Variants in ARHGAP15 observed in about 807,000 individuals in gnomAD.
The protein encoded by ARHGAP15 is Rho GTPase activating protein 15.
Under a neutral mutation model 63.7 loss-of-function variants are expected in ARHGAP15, and 51 were observed. That is an observed-to-expected ratio of 0.80 (90% confidence interval 0.64 to 1.01). The LOEUF is 1.01. ARHGAP15 is among the 50% of genes least tolerant of loss of function. The probability of loss-of-function intolerance (pLI) is 0.00; values close to 1 mark genes in which losing one functional copy is unlikely to be tolerated. For missense variants in ARHGAP15, 560 were observed against 564.6 expected (o/e 0.99, Z 0.08); for synonymous variants, 191 against 193.8 (o/e 0.99, Z 0.12).
At chr2:143,184,583 C>T (rs893346250) in intron 2 of ARHGAP15, among the ~76,000 whole-genome samples, 1 of 151,624 alleles carries the variant, frequency 6.6e-6, no homozygotes, top group Non-Finnish European at 1.5e-5. Context: ...ATTAATGATA[C>T]TGATTTAAGA....
chr2:143,218,277 C>CTTTTTTTTTTTTTT (rs762494225), intron 4 of ARHGAP15, among the ~76,000 whole-genome samples: 69 of 92,038 alleles, frequency 7.5e-4, no homozygotes, highest in East Asian at 1.0e-3. Context: ...TTTAGTTTTC[C>CTTTTTTTTTTTTTT]TTTTTTTTTT....
At chr2:143,408,027 A>ATC (rs1553475748) in intron 6 of ARHGAP15, among the ~76,000 whole-genome samples, 1 of 112,420 alleles carries the variant, frequency 8.9e-6, no homozygotes, top group Non-Finnish European at 1.8e-5. Flanking sequence ...ATATATATAT[A>ATC]TATATCCTTT....
intron 6 of ARHGAP15, among the ~76,000 whole-genome samples, chr2:143,338,991 A>G (rs147341709): frequency 3.2e-4 from 48 of 152,326 alleles, no homozygotes; most frequent in Middle Eastern, 3.4e-3. Flanking sequence ...AAAGAATGCC[A>G]TAACAAGCAA....
chr2:143,355,462 A>G (rs1367720674), intron 6 of ARHGAP15, among the ~76,000 whole-genome samples: 1 of 152,168 alleles, frequency 6.6e-6, no homozygotes, highest in Non-Finnish European at 1.5e-5. Flanking sequence ...AAGTATAGAC[A>G]GTATACAGGT....
At chr2:143,583,090 C>T (rs1184367610) in intron 11 of ARHGAP15, among the ~76,000 whole-genome samples, 1 of 152,084 alleles carries the variant, frequency 6.6e-6, no homozygotes, top group Non-Finnish European at 1.5e-5. Context: ...AGCTGGCCAC[C>T]CTCCTGATCT....
At chr2:143,210,429 A>G (rs535963486) in intron 3 of ARHGAP15, among the ~76,000 whole-genome samples, 3 of 152,264 alleles carry the variant, frequency 2.0e-5, no homozygotes, top group African/African-American at 7.2e-5. Context: ...TCAAAATGAC[A>G]TTTTGATGAG....
chr2:143,237,136 T>C (rs1481801285), intron 5 of ARHGAP15: 1 of 152,134 alleles, frequency 6.6e-6, no homozygotes, highest in Non-Finnish European at 1.5e-5. Flanking sequence ...CTCAGAGTTT[T>C]CAGAGACATG....
chr2:143,194,754 A>C (rs1248520696), intron 2 of ARHGAP15, among the ~76,000 whole-genome samples: 6 of 152,204 alleles, frequency 3.9e-5, no homozygotes, highest in Non-Finnish European at 8.8e-5. Context: ...CATAGGGGAA[A>C]GCTAAAGGGA....
chr2:143,636,204 T>A (rs1193169997), intron 12 of ARHGAP15, among the ~76,000 whole-genome samples: 1 of 152,164 alleles, frequency 6.6e-6, no homozygotes, highest in African/African-American at 2.4e-5. Context: ...AGGTGGTTAC[T>A]GTCTTACAAA....
chr2:143,396,192 G>GT (rs1222643210), intron 6 of ARHGAP15, among the ~76,000 whole-genome samples: 8 of 151,786 alleles, frequency 5.3e-5, no homozygotes, highest in African/African-American at 1.9e-4. Flanking sequence ...TGTGTTTTTA[G>GT]TTTTTTTTCT....
At chr2:143,369,336 T>C (rs555669578) in intron 6 of ARHGAP15, among the ~76,000 whole-genome samples, 2 of 152,214 alleles carry the variant, frequency 1.3e-5, no homozygotes, top group East Asian at 1.9e-4. Context: ...CAGGGAAAGA[T>C]TGTAAATATC....
chr2:143,491,022 T>A (rs1172949148), intron 9 of ARHGAP15, among the ~76,000 whole-genome samples: 1 of 152,214 alleles, frequency 6.6e-6, no homozygotes, highest in Admixed American at 6.5e-5. Context: ...GATTGCTCAA[T>A]GAAAAGAAAT....
chr2:143,764,784 G>A (rs1350178290), intron 13 of ARHGAP15, among the ~76,000 whole-genome samples: 2 of 152,092 alleles, frequency 1.3e-5, no homozygotes, highest in Non-Finnish European at 2.9e-5. Flanking sequence ...TAAAACTATA[G>A]CCATAATTAA....
intron 12 of ARHGAP15, among the ~76,000 whole-genome samples, chr2:143,658,334 T>G (rs1254687807): frequency 6.6e-6 from 1 of 152,186 alleles, no homozygotes; most frequent in South Asian, 2.1e-4. Context: ...GGGTAGAACT[T>G]CGGGTGTATT....
In ARHGAP15 at chr2:143,555,893, AATAGAATAGAATAGAAT is replaced by A. The variant is rs1695771656; in HGVS notation, c.926-513_926-497del. Among the ~76,000 whole-genome samples the A allele has an allele frequency of 1.5e-4, 12 of 78,002 alleles. No homozygotes were observed. The South Asian group carries it at 5.2e-3, about 34-fold the overall frequency. The allele number at this position is 78,002 out of a possible 152,430, so 51.2% of individuals were successfully genotyped here. On this transcript the variant is annotated intron_variant, in intron 10 of 13. Coordinates refer to ENST00000295095, the MANE Select transcript of ARHGAP15 (RefSeq NM_018460.4). ...AATAGAATAGAATAGAATAGAATAG[AATAGAATAGAATAGAAT>A]AGAATAGAATAGAATAGAACAGAGT...
At chr2:143,520,872 A>C (rs528714507) in intron 10 of ARHGAP15, among the ~76,000 whole-genome samples, 107 of 152,300 alleles carry the variant, frequency 7.0e-4, no homozygotes, top group African/African-American at 2.4e-3. Context: ...ATGTGTAAAG[A>C]AGCGCTCCAT....
intron 1 of ARHGAP15, among the ~76,000 whole-genome samples, chr2:143,132,300 G>A (rs888695960): frequency 1.2e-4 from 19 of 152,202 alleles, no homozygotes; most frequent in Non-Finnish European, 5.9e-5. Context: ...TCTTTTATGT[G>A]TGAAAAGTCT....
intron 12 of ARHGAP15, among the ~76,000 whole-genome samples, chr2:143,665,020 C>T (rs1478323649): frequency 6.6e-6 from 1 of 151,988 alleles, no homozygotes. Context: ...CCTTCTGAAA[C>T]TATTCCAATC....
At chr2:143,330,405 A>G (rs1374087389) in intron 6 of ARHGAP15, among the ~76,000 whole-genome samples, 1 of 152,118 alleles carries the variant, frequency 6.6e-6, no homozygotes, top group Non-Finnish European at 1.5e-5. Context: ...AAATTTCTCA[A>G]GTGGCACTGT....
Sources: gnomAD v4.1 joint callset for allele counts (sites outside exome capture counted in the v4.1 genomes callset) on GRCh38, gnomAD v4.1.1 for gene constraint, MANE v1.5 for transcripts, NCBI Gene and HGNC (gene_info 2026-07-23, HGNC 2026-07-21) for gene names.